PRTG: variants seen among roughly 807,000 people sequenced by gnomAD.
PRTG encodes protogenin, also known as immunoglobulin superfamily, DCC subclass, member 5.
Under a neutral mutation model 122.5 loss-of-function variants are expected in PRTG, and 67 were observed. The ratio of observed to expected loss-of-function variants is 0.55; its 90% CI spans 0.45 to 0.67. The LOEUF is 0.67. Ranked by LOEUF, PRTG falls within the 30% of genes least tolerant of loss-of-function variation. PRTG has a pLI of 0.00. For missense variants in PRTG, 1,435 were observed against 1,415.4 expected (o/e 1.01, Z -0.22); for synonymous variants, 554 against 501.1 (o/e 1.11, Z -1.41).
intron 16 of PRTG, among the ~76,000 whole-genome samples, chr15:55,627,521 T>C (rs550355020): frequency 6.7e-6 from 1 of 149,056 alleles, no homozygotes; most frequent in African/African-American, 2.5e-5. Flanking sequence ...TTTGTATTTT[T>C]AGTAGAGTCG....
At chr15:55,734,079 T>C (rs2031331165) in intron 2 of PRTG, among the ~76,000 whole-genome samples, 1 of 152,158 alleles carries the variant, frequency 6.6e-6, no homozygotes, top group African/African-American at 2.4e-5. Flanking sequence ...TCTATCGGTA[T>C]TGGGAGGGTA....
At chr15:55,624,288 A>G (rs2059182159) in intron 18 of PRTG, 54 bp downstream of exon 18, 1 of 1,540,180 alleles carries the variant, frequency 6.5e-7, no homozygotes, top group Non-Finnish European at 8.9e-7. Context: ...TTTTACACAC[A>G]CAGGGAGGAG....
chr15:55,679,205 A>T (rs1019120032), intron 7 of PRTG, 81 bp downstream of exon 7: 5 of 853,098 alleles, frequency 5.9e-6, no homozygotes, highest in Non-Finnish European at 9.1e-6. Flanking sequence ...TAGGTATTTG[A>T]TATTATTATA....
At chr15:55,702,067 C>A (rs2029913445) in intron 2 of PRTG, among the ~76,000 whole-genome samples, 1 of 151,506 alleles carries the variant, frequency 6.6e-6, no homozygotes, top group Admixed American at 6.6e-5. Context: ...ATTTGAAAGA[C>A]AGAATTTACT....
Position 55,628,736 on chromosome 15 carries a change from C to T in PRTG, c.2806+86G>A. ...GGAACTGAGAGCCGGTTTAGGGATA[C>T]AGCAATTGTAGGAGCAGAAATAATG... On this transcript the variant is annotated intron_variant, in intron 16 of 19. Transcript: ENST00000389286. The T allele has an allele frequency of 2.9e-6, 3 of 1,049,166 alleles. No homozygotes were observed. In the East Asian group the frequency reaches 7.3e-5, roughly 26 times the overall value. 65.0% of individuals were successfully genotyped at this position (1,049,166 alleles called of 1,614,324 possible).
intron 4 of PRTG, 66 bp from the exon 5 acceptor site, chr15:55,680,694 G>T: frequency 9.2e-7 from 1 of 1,089,450 alleles, no homozygotes; most frequent in Non-Finnish European, 1.2e-6. Context: ...TGAAATTAGT[G>T]AGACATTTAT....
chr15:55,706,014 A>ATTTTTTTTTTTTTTTTTTTTT (rs56275705), intron 2 of PRTG, among the ~76,000 whole-genome samples: 8 of 94,360 alleles, frequency 8.5e-5, no homozygotes, highest in Admixed American at 1.2e-4. Context: ...TGCCCAGCTA[A>ATTTTTTTTTTTTTTTTTTTTT]TTTTTTTTTT....
chr15:55,667,158 A>G lies in PRTG; in HGVS notation c.2041+5287T>C, dbSNP rs188729565. On this transcript the variant is annotated intron_variant, in intron 11 of 19. Transcript: ENST00000389286. Reference sequence around the variant, plus strand: ...CTCTAATTCATCCAGAGAACACCCAAAGTATTTTACAATGGCAGGAGACCT... The same window carrying G: ...CTCTAATTCATCCAGAGAACACCCAGAGTATTTTACAATGGCAGGAGACCT... Among the ~76,000 whole-genome samples, 64 of 152,150 alleles carry G rather than the reference A, an allele frequency of 4.2e-4. No individual in the cohort carries two copies. The East Asian group carries it at 0.01, about 25-fold the overall frequency.
At chr15:55,706,650 T>C (rs1342138834) in intron 2 of PRTG, among the ~76,000 whole-genome samples, 1 of 150,728 alleles carries the variant, frequency 6.6e-6, no homozygotes, top group Non-Finnish European at 1.5e-5. Flanking sequence ...TCTGTATTCC[T>C]AGCTACTTAG....
At chr15:55,628,685 T>A (rs1004161985) in intron 16 of PRTG, 137 bp downstream of exon 16, 12 of 652,086 alleles carry the variant, frequency 1.8e-5, no homozygotes, top group Admixed American at 8.8e-5. Context: ...CTCTATAACA[T>A]CAGAAGCTCA....
intron 2 of PRTG, among the ~76,000 whole-genome samples, chr15:55,695,919 C>T (rs1028539694): frequency 1.3e-4 from 19 of 151,964 alleles, no homozygotes; most frequent in Non-Finnish European, 8.8e-5. Flanking sequence ...TGCAGTGAGC[C>T]GAGATTGCAC....
At chr15:55,683,352 T>C (rs2059551892) in intron 3 of PRTG, among the ~76,000 whole-genome samples, 1 of 152,074 alleles carries the variant, frequency 6.6e-6, no homozygotes, top group Admixed American at 6.6e-5. Flanking sequence ...ACACTAGATG[T>C]GTGCATGTGT....
Position 55,706,582 on chromosome 15 carries a change from C to CA in PRTG, c.398-22652dup, listed in dbSNP as rs59227432. Among the ~76,000 whole-genome samples the CA allele has an allele frequency of 2.9e-3, 285 of 99,100 alleles. 2 individuals are homozygous for CA. Among genetic ancestry groups the CA allele is most frequent in the African/African-American group, 7.8e-3 (189 of 24,270 alleles). 65.0% of individuals were successfully genotyped at this position (99,100 alleles called of 152,430 possible). A position where few individuals can be genotyped will look rare whatever the true frequency, so the allele number is the denominator to read the frequency against. The stretch of plus-strand genomic sequence containing the variant: ...CAACAGAGTGAGACCTTGTCTCTAC[C>CA]AAAAAAAAAAAAAAAAAAAAAAAAG... On this transcript the variant is annotated intron_variant, in intron 2 of 19. Coordinates refer to ENST00000389286, the MANE Select transcript of PRTG (RefSeq NM_173814.6).
chr15:55,720,131 C>A (rs2030757903), intron 2 of PRTG, among the ~76,000 whole-genome samples: 1 of 151,848 alleles, frequency 6.6e-6, no homozygotes, highest in Non-Finnish European at 1.5e-5. Context: ...GTAATCCCAG[C>A]ACTTTGGGAG....
At chr15:55,698,035 G>C (rs2059641283) in intron 2 of PRTG, among the ~76,000 whole-genome samples, 1 of 152,008 alleles carries the variant, frequency 6.6e-6, no homozygotes, top group Non-Finnish European at 1.5e-5. Flanking sequence ...CTGGTTCTGA[G>C]GAATCAGTAA....
chr15:55,638,824 T>C, intron 13 of PRTG, 148 bp from the exon 14 acceptor site: 1 of 672,410 alleles, frequency 1.5e-6, no homozygotes. Context: ...TAAAGAACAA[T>C]TTAATTGGAC....
chr15:55,710,853 G>A (rs1439141423), intron 2 of PRTG, among the ~76,000 whole-genome samples: 1 of 151,976 alleles, frequency 6.6e-6, no homozygotes, highest in African/African-American at 2.4e-5. Context: ...TACCTGCCCC[G>A]AGACGACTTG....
chr15:55,707,392 C>T (rs1450812128), intron 2 of PRTG, among the ~76,000 whole-genome samples: 1 of 152,174 alleles, frequency 6.6e-6, no homozygotes, highest in Admixed American at 6.5e-5. Context: ...AAAGCTGCTG[C>T]ATAAATGGCT....
chr15:55,681,726 C>T (rs977650620), intron 4 of PRTG, among the ~76,000 whole-genome samples: 15 of 151,990 alleles, frequency 9.9e-5, no homozygotes, highest in East Asian at 5.8e-4. Context: ...TTTCTTTAAA[C>T]GACAAGCAAA....
Sources: allele counts gnomAD v4.1 joint callset (sites outside exome capture counted in the v4.1 genomes callset), GRCh38; gene constraint gnomAD v4.1.1; transcripts MANE v1.5; gene names NCBI Gene and HGNC (gene_info 2026-07-23, HGNC 2026-07-21).